The following SGCD variants were observed in gnomAD, a reference collection of about 807,000 sequenced individuals.
SGCD encodes the protein sarcoglycan delta, also known as delta-sarcoglycan.
SGCD carries 18 observed loss-of-function variants against 36.6 expected under a neutral mutation model. The observed-to-expected ratio is 0.49, with a 90% confidence interval of 0.34 to 0.73. The LOEUF is 0.73. SGCD is among the 30% of genes least tolerant of loss of function. The pLI is 0.01. For missense variants in SGCD, 387 were observed against 346.7 expected (o/e 1.12, Z -0.92); for synonymous variants, 133 against 130.6 (o/e 1.02, Z -0.12).
intron 3 of SGCD, among the ~76,000 whole-genome samples, chr5:156,374,470 G>T (rs1770550748): frequency 1.3e-5 from 2 of 151,950 alleles, no homozygotes; most frequent in South Asian, 4.2e-4. Flanking sequence ...GTTTTCAGTT[G>T]CTCTTCTCCA....
At chr5:156,697,397 T>A (rs1473900304) in intron 7 of SGCD, among the ~76,000 whole-genome samples, 1 of 152,162 alleles carries the variant, frequency 6.6e-6, no homozygotes, top group Non-Finnish European at 1.5e-5. Context: ...ATGTGTACTT[T>A]TTTGTTCTTC....
intron 4 of SGCD, among the ~76,000 whole-genome samples, chr5:156,526,714 T>A (rs1028554940): frequency 6.6e-6 from 1 of 152,164 alleles, no homozygotes; most frequent in African/African-American, 2.4e-5. Context: ...TAACTTATTG[T>A]GGACGATAAT....
intron 1 of SGCD, among the ~76,000 whole-genome samples, chr5:155,934,830 G>A (rs546262997): frequency 3.3e-5 from 5 of 152,180 alleles, no homozygotes; most frequent in Non-Finnish European, 5.9e-5. Flanking sequence ...CCCATTGGTT[G>A]TACATACCCC....
intron 1 of SGCD, among the ~76,000 whole-genome samples, chr5:155,999,920 G>A (rs1355537307): frequency 6.6e-6 from 1 of 152,146 alleles, no homozygotes; most frequent in African/African-American, 2.4e-5. Context: ...ACCTACTATT[G>A]GTATGAAGAT....
At chr5:155,777,310 A>T in the SGCD span, among the ~76,000 whole-genome samples, 1 of 150,912 alleles carries the variant, frequency 6.6e-6, no homozygotes, top group African/African-American at 2.4e-5. Context: ...TATTCTCTGC[A>T]CTTTAGCTTT....
At chr5:156,400,505 T>C (rs916199126) in intron 3 of SGCD, among the ~76,000 whole-genome samples, 1 of 152,176 alleles carries the variant, frequency 6.6e-6, no homozygotes, top group African/African-American at 2.4e-5. Context: ...ACTAATAGAA[T>C]TTAGACTTCA....
At chr5:156,311,576 A>G (rs945304282) in intron 3 of SGCD, among the ~76,000 whole-genome samples, 12 of 133,860 alleles carry the variant, frequency 9.0e-5, no homozygotes, top group African/African-American at 3.3e-4. Context: ...ACCTACTTGA[A>G]TATGTTCTTC....
At chr5:155,937,021 C>A (rs1482982446) in intron 1 of SGCD, among the ~76,000 whole-genome samples, 1 of 152,146 alleles carries the variant, frequency 6.6e-6, no homozygotes, top group Admixed American at 6.5e-5. Context: ...GGGGGAGAGA[C>A]CAGACAGGGG....
At chr5:155,877,434 A>G (rs1755790557) in intron 1 of SGCD, among the ~76,000 whole-genome samples, 1 of 152,094 alleles carries the variant, frequency 6.6e-6, no homozygotes. Context: ...TGAGCAGTTT[A>G]TATCTGGAGT....
chr5:156,182,239 A>T (rs1170076646), intron 3 of SGCD, among the ~76,000 whole-genome samples: 1 of 152,204 alleles, frequency 6.6e-6, no homozygotes, highest in Non-Finnish European at 1.5e-5. Flanking sequence ...AGATATCAAG[A>T]CCTTTTATAA....
chr5:156,273,207 C>G (rs907324503), intron 3 of SGCD, among the ~76,000 whole-genome samples: 1 of 152,094 alleles, frequency 6.6e-6, no homozygotes, highest in South Asian at 2.1e-4. Context: ...GGATTACAAG[C>G]CCCAGGGCCC....
chr5:155,923,779 G>A (rs1040780093), intron 1 of SGCD, among the ~76,000 whole-genome samples: 6 of 152,098 alleles, frequency 3.9e-5, no homozygotes, highest in African/African-American at 1.2e-4. Flanking sequence ...TGTGTTTTTC[G>A]CCTAGTAGGG....
At chr5:156,381,834 C>T (rs1188610084) in intron 3 of SGCD, among the ~76,000 whole-genome samples, 2 of 152,044 alleles carry the variant, frequency 1.3e-5, no homozygotes, top group Non-Finnish European at 2.9e-5. Flanking sequence ...CCTCTGTGAA[C>T]TTGAGTAAGT....
At chr5:155,917,262 C>T (rs1233356773) in intron 1 of SGCD, among the ~76,000 whole-genome samples, 1 of 152,094 alleles carries the variant, frequency 6.6e-6, no homozygotes, top group Non-Finnish European at 1.5e-5. Context: ...TACACTGACT[C>T]CATGCAGGAG....
At chr5:156,586,417 A>C (rs1561796857) in intron 4 of SGCD, among the ~76,000 whole-genome samples, 1 of 152,210 alleles carries the variant, frequency 6.6e-6, no homozygotes, top group African/African-American at 2.4e-5. Context: ...TGTTGGTCAG[A>C]TATCTCAAAT....
At chr5:156,387,532 A>G (rs1771336331) in intron 3 of SGCD, among the ~76,000 whole-genome samples, 1 of 152,234 alleles carries the variant, frequency 6.6e-6, no homozygotes, top group Non-Finnish European at 1.5e-5. Flanking sequence ...TATTGCACCT[A>G]TAAGCTGAGT....
intron 3 of SGCD, among the ~76,000 whole-genome samples, chr5:156,194,499 T>A (rs1336769795): frequency 6.6e-6 from 1 of 152,220 alleles, no homozygotes; most frequent in Non-Finnish European, 1.5e-5. Context: ...ATTTAAATGA[T>A]ATACATTAGG....
chr5:156,233,506 G>A (rs989375597), intron 3 of SGCD, among the ~76,000 whole-genome samples: 4 of 152,232 alleles, frequency 2.6e-5, no homozygotes, highest in African/African-American at 9.6e-5. Context: ...AAGTGGAGAG[G>A]GTGTTTAAAG....
chr5:156,649,457 A>G (rs7709957), intron 7 of SGCD, among the ~76,000 whole-genome samples: 139,660 of 152,146 alleles, frequency 0.92, 64,269 homozygotes, highest in East Asian at 0.99. Context: ...ACTTGGAACC[A>G]AGCCAAATGT....
Sources: allele counts gnomAD v4.1 joint callset (sites outside exome capture counted in the v4.1 genomes callset), GRCh38; gene constraint gnomAD v4.1.1; transcripts MANE v1.5; gene names NCBI Gene and HGNC (gene_info 2026-07-23, HGNC 2026-07-21).